SNX30: variants seen among roughly 807,000 people sequenced by gnomAD.
The protein encoded by SNX30 is sorting nexin family member 30.
SNX30 carries 24 observed loss-of-function variants against 46.4 expected under a neutral mutation model. The observed-to-expected ratio is 0.52, with a 90% confidence interval of 0.37 to 0.73. SNX30 has a LOEUF of 0.73. Among genes scored for constraint, SNX30 ranks in the 30% least tolerant of loss-of-function variants. The pLI is 0.00. For missense variants in SNX30, 533 were observed against 555.7 expected (o/e 0.96, Z 0.41); for synonymous variants, 189 against 211.5 (o/e 0.89, Z 0.92).
intron 1 of SNX30, among the ~76,000 whole-genome samples, chr9:112,764,649 C>T (rs1300503788): frequency 6.6e-6 from 1 of 151,992 alleles, no homozygotes; most frequent in African/African-American, 2.4e-5. Flanking sequence ...TGGAGCCTGG[C>T]GGCAAGGAGT....
intron 3 of SNX30, among the ~76,000 whole-genome samples, chr9:112,821,098 G>C (rs1178354183): frequency 2.0e-5 from 3 of 152,128 alleles, no homozygotes; most frequent in African/African-American, 7.2e-5. Context: ...TTGAGGAACT[G>C]CCAGACTGTT....
At chr9:112,767,474 A>G (rs1055839413) in intron 1 of SNX30, among the ~76,000 whole-genome samples, 1 of 152,060 alleles carries the variant, frequency 6.6e-6, no homozygotes, top group African/African-American at 2.4e-5. Context: ...TGTGCTTTTG[A>G]TATCATATCT....
chr9:112,762,190 C>T (rs1050711522), intron 1 of SNX30, among the ~76,000 whole-genome samples: 66 of 151,624 alleles, frequency 4.4e-4, no homozygotes, highest in African/African-American at 1.5e-3. Context: ...TGGCAGCCAG[C>T]GCAGGGATCA....
intron 1 of SNX30, among the ~76,000 whole-genome samples, chr9:112,795,974 A>C (rs1172872965): frequency 6.6e-6 from 1 of 152,124 alleles, no homozygotes; most frequent in African/African-American, 2.4e-5. Flanking sequence ...GCGTTAAAGG[A>C]GAGGGGATTC....
At chr9:112,775,154 CTTTT>C (rs1167634002) in intron 1 of SNX30, among the ~76,000 whole-genome samples, 3 of 113,906 alleles carry the variant, frequency 2.6e-5, no homozygotes, top group African/African-American at 6.7e-5. Context: ...TTTTTTCTTT[CTTTT>C]TTTTTTTTTT....
chr9:112,751,065 C>T lies in SNX30; in HGVS notation c.64C>T (p.His22Tyr). Reference sequence around the variant, plus strand: ...GCCCCACTCCCTGCGCGACATGCCGCACCCGCTGGCCGGCTCCAGCAGCGA... The same window carrying T: ...GCCCCACTCCCTGCGCGACATGCCGTACCCGCTGGCCGGCTCCAGCAGCGA... ...TGPHSLRDMP[H>Y]PLAGSSSEEA... Residue 22 changes from histidine to tyrosine, a missense_variant, in exon 1 of 9, where the codon CAC (histidine) becomes TAC (tyrosine). His to Tyr is a moderately conservative substitution (Grantham distance 83). Coordinates refer to ENST00000374232, the MANE Select transcript of SNX30 (RefSeq NM_001012994.2). The T allele has an allele frequency of 1.3e-6, 2 of 1,497,980 alleles. No homozygotes were observed. The highest frequency in any genetic ancestry group is 1.8e-6 in the Non-Finnish European group (2 of 1,129,762). The allele number at this position is 1,497,980 out of a possible 1,614,324, so 92.8% of individuals were successfully genotyped here.
At chr9:112,764,237 G>A (rs1483646827) in intron 1 of SNX30, among the ~76,000 whole-genome samples, 1 of 152,218 alleles carries the variant, frequency 6.6e-6, no homozygotes, top group East Asian at 1.9e-4. Context: ...GCTTAGCAGT[G>A]TCAAGTGATG....
chr9:112,797,809 C>T (rs1840134447), intron 1 of SNX30, among the ~76,000 whole-genome samples: 1 of 145,250 alleles, frequency 6.9e-6, no homozygotes. Context: ...TGCCGGGGTT[C>T]AAGCAATTCT....
intron 1 of SNX30, among the ~76,000 whole-genome samples, chr9:112,798,129 T>G (rs1246988146): frequency 6.9e-4 from 40 of 57,684 alleles, no homozygotes; most frequent in Middle Eastern, 9.1e-3. Flanking sequence ...TTCTTTTTTT[T>G]TTTTTTTTTT....
chr9:112,836,821 A>G (rs1404608649), intron 5 of SNX30, among the ~76,000 whole-genome samples: 4 of 152,210 alleles, frequency 2.6e-5, no homozygotes, highest in Non-Finnish European at 5.9e-5. Context: ...TGTTTGCCAA[A>G]GTTATGACCC....
At position 112,859,285 on chromosome 9, in the gene SNX30, A is replaced by G. The variant is rs375722277; in HGVS notation, c.1102-4962A>G. ...CCTTTTTGAGGCTGAATAATATCCC[A>G]TATATATGGGACATACACACACATA... On this transcript the variant is annotated intron_variant, in intron 7 of 8. Transcript: ENST00000374232. 5.3e-5 allele frequency among the ~76,000 whole-genome samples: 8 copies of G among 152,284 alleles called. No individual in the cohort carries two copies. The East Asian group carries it at 1.2e-3, about 22-fold the overall frequency.
intron 6 of SNX30, among the ~76,000 whole-genome samples, chr9:112,847,969 A>C (rs1222055364): frequency 1.3e-5 from 2 of 152,068 alleles, no homozygotes; most frequent in Admixed American, 1.3e-4. Context: ...TAAGCTCCAC[A>C]TGGTTTTGTG....
chr9:112,869,194 G>A lies in SNX30; in HGVS notation c.*351G>A. 1 of 232,844 alleles carries A rather than the reference G, an allele frequency of 4.3e-6. No individual in the cohort carries two copies. The highest frequency in any genetic ancestry group is 8.7e-6 in the Non-Finnish European group (1 of 114,776). The allele number at this position is 232,844 out of a possible 1,614,324, so 14.4% of individuals were successfully genotyped here. A position where few individuals can be genotyped will look rare whatever the true frequency, so the allele number is the denominator to read the frequency against. On this transcript the variant is annotated 3_prime_UTR_variant, in exon 9 of 9. Transcript: ENST00000374232. ...TTTCCTCTTTAGGGACAGCTGAGTTGCCAGTTGTGGGAGAGAACCCGGGGC... is the reference window on the plus strand; with the variant it reads ...TTTCCTCTTTAGGGACAGCTGAGTTACCAGTTGTGGGAGAGAACCCGGGGC...
At chr9:112,834,865 CA>C (rs1564285804) in intron 4 of SNX30, among the ~76,000 whole-genome samples, 2 of 89,890 alleles carry the variant, frequency 2.2e-5, no homozygotes, top group Non-Finnish European at 5.9e-5. Flanking sequence ...CACACACACA[CA>C]CACACACACA....
intron 1 of SNX30, among the ~76,000 whole-genome samples, chr9:112,796,807 G>T (rs569399068): frequency 1.1e-4 from 17 of 152,160 alleles, no homozygotes; most frequent in African/African-American, 3.4e-4. Context: ...TCTTCACTCC[G>T]CCGTGTCCCA....
chr9:112,872,719 C>A lies in SNX30; in HGVS notation c.*3876C>A, dbSNP rs746562186. The A allele has an allele frequency of 2.0e-5, 3 of 152,164 alleles. No individual in the cohort carries two copies. Among genetic ancestry groups the A allele is most frequent in the Non-Finnish European group, 4.4e-5 (3 of 68,052 alleles). 9.4% of individuals were successfully genotyped at this position (152,164 alleles called of 1,614,324 possible). A position where few individuals can be genotyped will look rare whatever the true frequency, so the allele number is the denominator to read the frequency against. On this transcript the variant is annotated 3_prime_UTR_variant, in exon 9 of 9. Coordinates refer to ENST00000374232, the MANE Select transcript of SNX30 (RefSeq NM_001012994.2). ...GGCTGGGGCAACCCTGCTTTGGCCA[C>A]CCTCATTTACAAACTTAGGTTGGGA...
At chr9:112,831,637 C>T (rs1189862595) in intron 4 of SNX30, among the ~76,000 whole-genome samples, 1 of 152,218 alleles carries the variant, frequency 6.6e-6, no homozygotes, top group Admixed American at 6.5e-5. Context: ...GCCACACCGT[C>T]CCTGTGTATC....
At chr9:112,885,742 A>G (rs142032448), downstream of SNX30, 14 of 152,300 alleles carry the variant, frequency 9.2e-5, no homozygotes, top group East Asian at 1.9e-3. Flanking sequence ...CATGTCAAAT[A>G]TGTTATTAAA....
intron 6 of SNX30, among the ~76,000 whole-genome samples, chr9:112,847,278 G>A (rs553167596): frequency 1.5e-4 from 23 of 152,098 alleles, no homozygotes; most frequent in South Asian, 6.2e-4. Flanking sequence ...CAGCCGTCCC[G>A]CGCATATCCC....
Sources: gnomAD v4.1 joint callset for allele counts (sites outside exome capture counted in the v4.1 genomes callset) on GRCh38, gnomAD v4.1.1 for gene constraint, MANE v1.5 for transcripts, NCBI Gene and HGNC (gene_info 2026-07-23, HGNC 2026-07-21) for gene names.